Variants in ARNT2 observed in about 807,000 individuals in gnomAD.
The protein encoded by ARNT2 is ARNT protein 2.
In ARNT2, 36 loss-of-function variants were observed where a neutral mutation model predicts 91.7. The observed-to-expected ratio is 0.39, with a 90% CI of 0.30 to 0.52. The LOEUF is 0.52. Among genes scored for constraint, ARNT2 ranks in the 20% least tolerant of loss-of-function variants. The pLI, the probability that ARNT2 is intolerant of heterozygous loss-of-function variation, is 0.72. For missense variants in ARNT2, 775 were observed against 939.3 expected (o/e 0.83, Z 2.29); for synonymous variants, 365 against 347.1 (o/e 1.05, Z -0.57).
chr15:80,479,603 G>T (rs751011432), intron 5 of ARNT2, among the ~76,000 whole-genome samples: 1 of 152,078 alleles, frequency 6.6e-6, no homozygotes, highest in African/African-American at 2.4e-5. Context: ...AGTTTCTAAG[G>T]CTCCTTCCAG....
chr15:80,455,589 A>G (rs1401105424), intron 2 of ARNT2, among the ~76,000 whole-genome samples: 1 of 152,084 alleles, frequency 6.6e-6, no homozygotes, highest in African/African-American at 2.4e-5. Flanking sequence ...TGCAAAAACA[A>G]AAGTGACCAA....
At chr15:80,483,333 G>A (rs1439066686) in intron 5 of ARNT2, among the ~76,000 whole-genome samples, 1 of 152,230 alleles carries the variant, frequency 6.6e-6, no homozygotes, top group Non-Finnish European at 1.5e-5. Flanking sequence ...GCAGCAACCT[G>A]GGTCGAGGGC....
At chr15:80,472,045 A>G (rs940319079) in intron 4 of ARNT2, among the ~76,000 whole-genome samples, 1 of 152,184 alleles carries the variant, frequency 6.6e-6, no homozygotes, top group Non-Finnish European at 1.5e-5. Context: ...TCCTGTCTCC[A>G]AGAGCTTTTG....
chr15:80,562,822 T>C (rs4074667), intron 11 of ARNT2: 35,437 of 492,474 alleles, frequency 0.072, 3,888 homozygotes, highest in African/African-American at 0.34. Context: ...AATTAAAAGT[T>C]CTGCTATAAA....
Position 80,581,393 on chromosome 15 carries a change from C to T in ARNT2, c.1907C>T (p.Thr636Ile). 3.1e-6 allele frequency: 5 copies of T among 1,614,174 alleles called. No individual in the cohort carries two copies. Among genetic ancestry groups the T allele is most frequent in the Non-Finnish European group, 4.2e-6 (5 of 1,180,034 alleles). The change falls in exon 17 of 19, where the codon ACT (threonine) becomes ATT (isoleucine). Residue 636 changes from threonine (T) to isoleucine (I), a missense_variant. Physicochemically the swap from Thr to Ile is moderately conservative, Grantham distance 89 (BLOSUM62 -1). This residue lies in a region of ARNT2 where 325 missense variants were observed against 359.9 expected (regional missense o/e 0.90). Coordinates refer to ENST00000303329, the MANE Select transcript of ARNT2 (RefSeq NM_014862.4). ...GNAYSSLANR[T>I]PGFAESGQSS... ...GCCTACTCCAGTCTTGCCAACAGGA[C>T]TCCAGGGTTCGGTAGGTGGGGAATG...
intron 12 of ARNT2, among the ~76,000 whole-genome samples, chr15:80,569,973 C>T (rs934931752): frequency 6.6e-6 from 1 of 152,238 alleles, no homozygotes; most frequent in African/African-American, 2.4e-5. Flanking sequence ...TTCACTGCTT[C>T]AACCCCACAA....
intron 1 of ARNT2, among the ~76,000 whole-genome samples, chr15:80,431,448 C>T (rs765820874): frequency 1.3e-5 from 2 of 152,160 alleles, no homozygotes; most frequent in Non-Finnish European, 2.9e-5. Flanking sequence ...GCTCCTTTCC[C>T]AGTAACAATG....
At chr15:80,578,480 C>A (rs1255025243) in intron 15 of ARNT2, among the ~76,000 whole-genome samples, 5 of 150,100 alleles carry the variant, frequency 3.3e-5, no homozygotes. Flanking sequence ...TGAGCTGTGT[C>A]TGCAGCAGCA....
intron 3 of ARNT2, among the ~76,000 whole-genome samples, chr15:80,459,586 G>A (rs991322237): frequency 9.2e-5 from 14 of 152,158 alleles, no homozygotes; most frequent in African/African-American, 3.4e-4. Flanking sequence ...GAGGAGTGAC[G>A]TTTGTTTGAC....
chr15:80,578,208 A>G (rs1160946840), intron 15 of ARNT2, among the ~76,000 whole-genome samples: 2 of 152,064 alleles, frequency 1.3e-5, no homozygotes, highest in African/African-American at 2.4e-5. Flanking sequence ...TAAGGAGGGG[A>G]CAGTTCAAAG....
At chr15:80,510,791 G>A (rs112812822) in intron 6 of ARNT2, among the ~76,000 whole-genome samples, 1,684 of 152,042 alleles carry the variant, frequency 0.011, 25 homozygotes, top group African/African-American at 0.039. Flanking sequence ...ATCATGCCAC[G>A]CACTCCAGCC....
rs371672981 is a variant in ARNT2, at chr15:80,591,860, C to T, written c.2055+156C>T. The T allele has an allele frequency of 1.2e-5, 9 of 773,438 alleles. No homozygotes were observed. The East Asian group carries it at 5.1e-4, about 44-fold the overall frequency. The allele number at this position is 773,438 out of a possible 1,614,324, so 47.9% of individuals were successfully genotyped here. A position where few individuals can be genotyped will look rare whatever the true frequency, so the allele number is the denominator to read the frequency against. On this transcript the variant is annotated intron_variant, in intron 18 of 18. Coordinates refer to ENST00000303329, the MANE Select transcript of ARNT2 (RefSeq NM_014862.4). The surrounding 1 kb of genome is among the most constrained non-coding windows in gnomAD (Gnocchi z 5.1). Reference sequence around the variant, plus strand: ...GAGTCCAGGAGTAGAAAGCCCCATCCTACCCAGCCAGAAACGTCAGGTGCA... The same window carrying T: ...GAGTCCAGGAGTAGAAAGCCCCATCTTACCCAGCCAGAAACGTCAGGTGCA...
chr15:80,498,128 C>T lies in ARNT2; in HGVS notation c.623-10028C>T, dbSNP rs561646671. On this transcript the variant is annotated intron_variant, in intron 5 of 18. Coordinates refer to ENST00000303329, the MANE Select transcript of ARNT2 (RefSeq NM_014862.4). The stretch of plus-strand genomic sequence containing the variant: ...TTCTGACTCTACCTGAGGGTTAACT[C>T]CCTGTTACTAAACTGGAACAAGTTC... 2.6e-5 allele frequency among the ~76,000 whole-genome samples: 4 copies of T among 152,258 alleles called. No individual in the cohort carries two copies. The South Asian group carries it at 8.3e-4, about 32-fold the overall frequency.
At chr15:80,494,323 C>G (rs893055676) in intron 5 of ARNT2, among the ~76,000 whole-genome samples, 1 of 152,090 alleles carries the variant, frequency 6.6e-6, no homozygotes, top group Admixed American at 6.5e-5. Flanking sequence ...TAGCAAACTG[C>G]GAAGGAGGGA....
rs1190759062 is a variant in ARNT2 at position 80,594,826 on chromosome 15, T to G, written c.*1128T>G. ...TTCTCACATGGGCACCATGAAACAC[T>G]TTCTTCCAGGCCACCTGAGCCTTCG... On this transcript the variant is annotated 3_prime_UTR_variant, in exon 19 of 19. Coordinates refer to ENST00000303329, the MANE Select transcript of ARNT2 (RefSeq NM_014862.4). 6.6e-6 allele frequency: 1 copy of G among 152,252 alleles called. No homozygotes were observed. Among genetic ancestry groups the G allele is most frequent in the East Asian group, 1.9e-4 (1 of 5,190 alleles). 9.4% of individuals were successfully genotyped at this position (152,252 alleles called of 1,614,324 possible). A position where few individuals can be genotyped will look rare whatever the true frequency, so the allele number is the denominator to read the frequency against.
At chr15:80,504,298 C>T (rs1480982465) in intron 5 of ARNT2, among the ~76,000 whole-genome samples, 1 of 152,214 alleles carries the variant, frequency 6.6e-6, no homozygotes, top group Non-Finnish European at 1.5e-5. Context: ...CTATTCTCAT[C>T]GACTTTAGTC....
intron 8 of ARNT2, among the ~76,000 whole-genome samples, chr15:80,514,677 G>A (rs543117611): frequency 6.6e-6 from 1 of 152,200 alleles, no homozygotes; most frequent in African/African-American, 2.4e-5. Flanking sequence ...ACGAGATCAG[G>A]AGATGGAGAC....
chr15:80,432,648 C>T (rs140992330), intron 1 of ARNT2, among the ~76,000 whole-genome samples: 4 of 152,074 alleles, frequency 2.6e-5, no homozygotes, highest in Non-Finnish European at 5.9e-5. Context: ...CAACCTGTGG[C>T]TTAGGTGGTG....
intron 1 of ARNT2, among the ~76,000 whole-genome samples, chr15:80,408,124 G>A (rs996218752): frequency 6.6e-6 from 1 of 152,050 alleles, no homozygotes; most frequent in African/African-American, 2.4e-5. Context: ...TTTCAATTTG[G>A]AATTAATTGT....
Sources: allele counts gnomAD v4.1 joint callset (sites outside exome capture counted in the v4.1 genomes callset), GRCh38; gene constraint gnomAD v4.1.1; regional missense constraint gnomAD v4.1.1; non-coding constraint Gnocchi (gnomAD v3.1); transcripts MANE v1.5; gene names NCBI Gene and HGNC (gene_info 2026-07-23, HGNC 2026-07-21).